Variants in MGMT observed in about 807,000 individuals in gnomAD.
MGMT encodes the protein methylated-DNA--protein-cysteine methyltransferase.
MGMT carries 14 observed loss-of-function variants against 15.9 expected under a neutral mutation model. That is an observed-to-expected ratio of 0.88 (90% CI 0.58 to 1.37). MGMT has a LOEUF of 1.37. Ranked by LOEUF, MGMT falls within the 40% of genes most tolerant of loss-of-function variation. The probability of loss-of-function intolerance (pLI) is 0.00; values close to 1 mark genes in which losing one functional copy is unlikely to be tolerated. For missense variants in MGMT, 282 were observed against 268.1 expected (o/e 1.05, Z -0.36); for synonymous variants, 130 against 118.2 (o/e 1.10, Z -0.65).
At chr10:129,615,465 A>C (rs1419380565) in intron 2 of MGMT, among the ~76,000 whole-genome samples, 2 of 152,126 alleles carry the variant, frequency 1.3e-5, no homozygotes, top group East Asian at 3.9e-4. Context: ...CTCCAGAGTC[A>C]TCTGACGGCG....
intron 1 of MGMT, among the ~76,000 whole-genome samples, chr10:129,468,068 G>C (rs368893366): frequency 1.7e-4 from 26 of 151,864 alleles, no homozygotes; most frequent in Admixed American, 7.9e-4. Context: ...TTGGTCCAGA[G>C]AGCTGTTCTC....
intron 2 of MGMT, chr10:129,702,141 C>G (rs1376150212): frequency 6.6e-6 from 1 of 152,220 alleles, no homozygotes; most frequent in Admixed American, 6.5e-5. Context: ...ATCACCGGGG[C>G]CTTCCAGTCT....
At chr10:129,569,743 G>A (rs897955554) in intron 2 of MGMT, among the ~76,000 whole-genome samples, 12 of 152,116 alleles carry the variant, frequency 7.9e-5, no homozygotes, top group Non-Finnish European at 1.2e-4. Flanking sequence ...GATTGAGCCC[G>A]GGGAGTGCTG....
At chr10:129,559,660 A>G (rs1014260249) in intron 2 of MGMT, among the ~76,000 whole-genome samples, 2 of 152,178 alleles carry the variant, frequency 1.3e-5, no homozygotes, top group Non-Finnish European at 2.9e-5. Flanking sequence ...TGTGGGTTAT[A>G]GAGTATGTTG....
intron 2 of MGMT, among the ~76,000 whole-genome samples, chr10:129,682,868 A>T (rs796794356): frequency 7.9e-4 from 121 of 152,322 alleles, no homozygotes; most frequent in African/African-American, 2.6e-3. Context: ...GTTGTTTTTG[A>T]GACGGAGTTT....
chr10:129,652,253 C>G (rs1847468159), intron 2 of MGMT, among the ~76,000 whole-genome samples: 1 of 152,250 alleles, frequency 6.6e-6, no homozygotes, highest in African/African-American at 2.4e-5. Context: ...AGCCAGGCTT[C>G]AGAACTGGGG....
intron 1 of MGMT, among the ~76,000 whole-genome samples, chr10:129,514,498 A>G (rs543571983): frequency 6.6e-6 from 1 of 152,296 alleles, no homozygotes; most frequent in East Asian, 1.9e-4. Context: ...TAAACATTAT[A>G]TTTTCATTTA....
At chr10:129,507,758 T>G (rs1019520611) in intron 1 of MGMT, among the ~76,000 whole-genome samples, 1 of 152,222 alleles carries the variant, frequency 6.6e-6, no homozygotes, top group Admixed American at 6.5e-5. Flanking sequence ...CGCGCACTGC[T>G]GTGTTTGCCA....
chr10:129,530,772 C>T (rs1845922219), intron 1 of MGMT, among the ~76,000 whole-genome samples: 1 of 152,266 alleles, frequency 6.6e-6, no homozygotes, highest in South Asian at 2.1e-4. Context: ...CTGTGTCCCC[C>T]ACGCCTCTCC....
At chr10:129,485,469 G>A (rs1208856174) in intron 1 of MGMT, among the ~76,000 whole-genome samples, 1 of 152,122 alleles carries the variant, frequency 6.6e-6, no homozygotes, top group Non-Finnish European at 1.5e-5. Context: ...TCCTTGTTCT[G>A]AAGACCATTG....
At chr10:129,481,739 A>T (rs1255082346) in intron 1 of MGMT, among the ~76,000 whole-genome samples, 1 of 152,130 alleles carries the variant, frequency 6.6e-6, no homozygotes, top group Admixed American at 6.5e-5. Flanking sequence ...TTATTTTTAT[A>T]TTCCTTTATT....
At chr10:129,485,980 G>A (rs1298370810) in intron 1 of MGMT, among the ~76,000 whole-genome samples, 1 of 152,152 alleles carries the variant, frequency 6.6e-6, no homozygotes, top group African/African-American at 2.4e-5. Flanking sequence ...CACAGAATAA[G>A]AATTCAAAGG....
intron 1 of MGMT, among the ~76,000 whole-genome samples, chr10:129,526,897 T>C (rs1272451184): frequency 1.3e-5 from 2 of 152,198 alleles, no homozygotes; most frequent in Non-Finnish European, 2.9e-5. Flanking sequence ...ATTCAGAACA[T>C]TGTTATTTAA....
intron 2 of MGMT, among the ~76,000 whole-genome samples, chr10:129,687,841 T>C (rs1847924291): frequency 6.6e-6 from 1 of 151,546 alleles, no homozygotes; most frequent in Non-Finnish European, 1.5e-5. Context: ...ATGCTATCCC[T>C]CCCCCAGCCC....
At chr10:129,554,285 T>A (rs1846189445) in intron 2 of MGMT, among the ~76,000 whole-genome samples, 1 of 152,222 alleles carries the variant, frequency 6.6e-6, no homozygotes, top group Admixed American at 6.5e-5. Context: ...GAAATAAGAA[T>A]CAGTTCCATT....
At chr10:129,594,095 G>T (rs1216643808) in intron 2 of MGMT, among the ~76,000 whole-genome samples, 1 of 152,204 alleles carries the variant, frequency 6.6e-6, no homozygotes, top group Non-Finnish European at 1.5e-5. Context: ...ACCTCTGAGT[G>T]ATCTGTGGGG....
rs1848953525 is a variant in MGMT at position 129,767,548 on chromosome 10, A to G, written c.*551A>G. On this transcript the variant is annotated 3_prime_UTR_variant, in exon 5 of 5. Coordinates refer to ENST00000651593, the MANE Select transcript of MGMT (RefSeq NM_002412.5). ...TTCTAGCTTTGTTTCCTACCTGCCA[A>G]AAAGGCTAATGCAAGATGCATCCAC... 6.6e-6 allele frequency: 1 copy of G among 152,502 alleles called. No homozygotes were observed. Among genetic ancestry groups the G allele is most frequent in the African/African-American group, 2.4e-5 (1 of 41,480 alleles). 9.4% of individuals were successfully genotyped at this position (152,502 alleles called of 1,614,324 possible).
At chr10:129,690,744 G>A (rs1338670817) in intron 2 of MGMT, among the ~76,000 whole-genome samples, 1 of 152,114 alleles carries the variant, frequency 6.6e-6, no homozygotes, top group Non-Finnish European at 1.5e-5. Context: ...TGGGGGAAAA[G>A]GGGAGAAGGT....
In MGMT at chr10:129,743,484, C is replaced by T. The variant is rs140209034; in HGVS notation, c.275-15718C>T. On this transcript the variant is annotated intron_variant, in intron 3 of 4. Transcript: ENST00000651593. ...TTGGTTGGTGGCATCGTGGCCTCAC[C>T]GGCCCACAGTTCTGACAGAGGTGTC... Among the ~76,000 whole-genome samples the T allele has an allele frequency of 4.1e-4, 62 of 152,304 alleles. No homozygotes were observed. In the East Asian group the frequency reaches 0.011, roughly 26 times the overall value.
Sources: allele counts gnomAD v4.1 joint callset (sites outside exome capture counted in the v4.1 genomes callset), GRCh38; gene constraint gnomAD v4.1.1; transcripts MANE v1.5; gene names NCBI Gene and HGNC (gene_info 2026-07-23, HGNC 2026-07-21).